Variants in SLC16A4 observed in about 807,000 individuals in gnomAD.
SLC16A4 encodes the protein solute carrier family 16 member 4.
SLC16A4 carries 39 observed loss-of-function variants against 47.9 expected under a neutral mutation model. The observed-to-expected ratio is 0.81, with a 90% CI of 0.63 to 1.06. The LOEUF is 1.06. Among genes scored for constraint, SLC16A4 ranks in the 50% least tolerant of loss-of-function variants. The probability of loss-of-function intolerance (pLI) is 0.00; values close to 1 mark genes in which losing one functional copy is unlikely to be tolerated. For synonymous variants in SLC16A4, 189 were observed against 199.9 expected (o/e 0.95, Z 0.46); for missense variants, 524 against 573.8 (o/e 0.91, Z 0.89).
At chr1:110,373,128 T>G (rs1261669708) in intron 8 of SLC16A4, 1 of 152,228 alleles carries the variant, frequency 6.6e-6, no homozygotes, top group Non-Finnish European at 1.5e-5. Context: ...TTCAGAAATT[T>G]GACTTGTCTT....
chr1:110,389,482 C>T (rs778936586), intron 1 of SLC16A4, 127 bp from the exon 2 acceptor site: 15 of 650,778 alleles, frequency 2.3e-5, no homozygotes, highest in Middle Eastern at 2.6e-4. Flanking sequence ...CACTGTGCAA[C>T]GCAGTTTGGA....
In SLC16A4 at chr1:110,379,201, G is replaced by A; in HGVS notation, c.682C>T (p.His228Tyr). ...HGPEAHATET[H>Y]CHETEESTIK... ...GTAGACTCTTCTGTCTCATGGCAGT[G>A]TGTTTCTGTTGCATGTGCCTCTGGA... Residue 228 changes from histidine to tyrosine, a missense_variant, in exon 6 of 9, where the codon CAC becomes TAC. Transcript: ENST00000369779. The A allele has an allele frequency of 6.2e-7, 1 of 1,614,174 alleles. No individual in the cohort carries two copies. Among genetic ancestry groups the A allele is most frequent in the South Asian group, 1.1e-5 (1 of 91,080 alleles).
At chr1:110,372,171 T>TA (rs143392895) in intron 8 of SLC16A4, 1 of 152,340 alleles carries the variant, frequency 6.6e-6, no homozygotes, top group African/African-American at 2.4e-5. Flanking sequence ...TGTAATGTGT[T>TA]ACCTTTTTTT....
At position 110,379,041 on chromosome 1, in the gene SLC16A4, T is replaced by C; in HGVS notation, c.842A>G (p.Lys281Arg). 1 of 1,614,230 alleles carries C rather than the reference T, an allele frequency of 6.2e-7. No homozygotes were observed. Among genetic ancestry groups the C allele is most frequent in the Non-Finnish European group, 8.5e-7 (1 of 1,180,028 alleles). ...TTGTTTGCAGCTCCACGAAATAACC[T>C]TATCACTTTCTTCATCACTCTTTAA... ...LLLKSDEESD[K>R]VISWSCKQLF... is the part of the protein sequence containing the mutation. The change falls in exon 6 of 9, where the codon AAG (lysine) becomes AGG (arginine). Residue 281 changes from lysine (K) to arginine (R), a missense_variant. Lys to Arg is a conservative substitution (Grantham distance 26, BLOSUM62 2). Coordinates refer to ENST00000369779, the MANE Select transcript of SLC16A4 (RefSeq NM_004696.3).
chr1:110,386,656 T>C (rs1436059008), intron 2 of SLC16A4, among the ~76,000 whole-genome samples: 6 of 152,234 alleles, frequency 3.9e-5, no homozygotes, highest in Non-Finnish European at 8.8e-5. Flanking sequence ...TGGATCAGCC[T>C]CAGTGACTTA....
In SLC16A4 at chr1:110,381,636, A is replaced by G. The variant is rs1317172002; in HGVS notation, c.364+16T>C. ...ACTCCTGGCCTTCTATGGTCACATA[A>G]TTACAATGGACTCACCGGGTAGAAG... On this transcript the variant is annotated intron_variant, in intron 4 of 8. Coordinates refer to ENST00000369779, the MANE Select transcript of SLC16A4 (RefSeq NM_004696.3). 2.5e-6 allele frequency: 4 copies of G among 1,603,810 alleles called. No individual in the cohort carries two copies. Among genetic ancestry groups the G allele is most frequent in the Non-Finnish European group, 3.4e-6 (4 of 1,177,460 alleles).
Position 110,376,864 on chromosome 1 carries a change from A to C in SLC16A4, c.1242+86T>G, listed in dbSNP as rs1662033355. 6 of 1,115,390 alleles carry C rather than the reference A, an allele frequency of 5.4e-6. No homozygotes were observed. The East Asian group carries it at 1.5e-4, about 29-fold the overall frequency. The allele number at this position is 1,115,390 out of a possible 1,614,324, so 69.1% of individuals were successfully genotyped here. On this transcript the variant is annotated intron_variant, in intron 7 of 8. Coordinates refer to ENST00000369779, the MANE Select transcript of SLC16A4 (RefSeq NM_004696.3). ...AATGATTTTTTAAGTTACAAAATTA[A>C]TACAAAATACGTATTTTGGGGAGAT...
In SLC16A4 at chr1:110,378,943, C is replaced by G. The variant is rs572174202; in HGVS notation, c.940G>C (p.Ala314Pro). 1 of 1,614,126 alleles carries G rather than the reference C, an allele frequency of 6.2e-7. No homozygotes were observed. The highest frequency in any genetic ancestry group is 2.2e-5 in the East Asian group (1 of 44,880). ...AGGTGAAAGGTAGGGATGAAGTATG[C>G]TAACTGACTGAGGAGAAAAGACCAA... ...FTWSFLLSQL[A>P]YFIPTFHLVA... Residue 314 changes from alanine (A) to proline (P), a missense_variant, in exon 6 of 9, where the codon GCA (alanine) becomes CCA (proline). Physicochemically the swap from Ala to Pro is conservative, Grantham distance 27. Coordinates refer to ENST00000369779, the MANE Select transcript of SLC16A4 (RefSeq NM_004696.3).
At chr1:110,387,481 A>G (rs1185331389) in intron 2 of SLC16A4, among the ~76,000 whole-genome samples, 2 of 152,348 alleles carry the variant, frequency 1.3e-5, no homozygotes, top group Admixed American at 1.3e-4. Flanking sequence ...CCACATTACA[A>G]CTGTGGGGGA....
Position 110,379,061 on chromosome 1 carries a change from CTT to C in SLC16A4, c.820_821del (p.Lys274GlufsTer2), listed in dbSNP as rs765784326. The C allele has an allele frequency of 1.2e-6, 2 of 1,614,186 alleles. No homozygotes were observed. Among genetic ancestry groups the C allele is most frequent in the Non-Finnish European group, 1.7e-6 (2 of 1,180,028 alleles). On this transcript the variant is annotated frameshift_variant, in exon 6 of 9. Coordinates refer to ENST00000369779, the MANE Select transcript of SLC16A4 (RefSeq NM_004696.3). LOFTEE classifies it high-confidence loss of function. Reference sequence around the variant, plus strand: ...TAACCTTATCACTTTCTTCATCACTCTTTAATAACAGTCTGTTCCTGTTAGGC... The same window carrying C: ...TAACCTTATCACTTTCTTCATCACTCTAATAACAGTCTGTTCCTGTTAGGC... ...NGPNRNRLLL[K>X]SDEESDKVIS... is the part of the protein sequence containing the mutation.
Position 110,382,323 on chromosome 1 carries a change from G to C in SLC16A4, c.220+511C>G, listed in dbSNP as rs562693108. On this transcript the variant is annotated intron_variant, in intron 3 of 8. Coordinates refer to ENST00000369779, the MANE Select transcript of SLC16A4 (RefSeq NM_004696.3). ...AAAATACAAAAATTAGCCAGGCATG[G>C]TGGCGGGCGCCTGTAATCCCAGCTA... is the stretch of plus-strand genomic sequence containing the variant. Among the ~76,000 whole-genome samples the C allele has an allele frequency of 4.6e-5, 7 of 152,250 alleles. No individual in the cohort carries two copies. In the East Asian group the frequency reaches 9.6e-4, roughly 21 times the overall value.
At chr1:110,376,776 C>T (rs1225807217) in intron 7 of SLC16A4, among the ~76,000 whole-genome samples, 174 bp downstream of exon 7, 2 of 152,172 alleles carry the variant, frequency 1.3e-5, no homozygotes, top group Non-Finnish European at 2.9e-5. Flanking sequence ...ACCATCCCTC[C>T]CCACTCACAC....
intron 2 of SLC16A4, among the ~76,000 whole-genome samples, chr1:110,383,402 AGGATAATTT>A (rs1374530025): frequency 6.6e-6 from 1 of 152,170 alleles, no homozygotes; most frequent in East Asian, 1.9e-4. Context: ...AGAGTTTTTA[AGGATAATTT>A]GGTGGGTGGG....
At chr1:110,387,109 T>A (rs1485908385) in intron 2 of SLC16A4, among the ~76,000 whole-genome samples, 1 of 152,190 alleles carries the variant, frequency 6.6e-6, no homozygotes, top group African/African-American at 2.4e-5. Flanking sequence ...TATTCATAAA[T>A]GTGTGCAGCT....
rs552088191 is a variant in SLC16A4, at chr1:110,381,332, CAT to C, written c.365-191_365-190del. Among the ~76,000 whole-genome samples, 1,231 of 144,354 alleles carry C rather than the reference CAT, an allele frequency of 8.5e-3. 27 individuals are homozygous for C. The highest frequency in any genetic ancestry group is 0.031 in the African/African-American group (1,174 of 37,934). 94.7% of individuals were successfully genotyped at this position (144,354 alleles called of 152,430 possible). On this transcript the variant is annotated intron_variant, in intron 4 of 8. Transcript: ENST00000369779. ...ATATATACATACACACACACACACA[CAT>C]ATTTTGAGACAGGGTCTCACTTTGT... is the stretch of plus-strand genomic sequence containing the variant.
At chr1:110,375,178 A>G (rs1418071366) in intron 8 of SLC16A4, 2 of 294,138 alleles carry the variant, frequency 6.8e-6, no homozygotes, top group Non-Finnish European at 1.3e-5. Context: ...GGCTCTGAAA[A>G]AACTCTGGAT....
chr1:110,388,938 G>C lies in SLC16A4; in HGVS notation c.87+299C>G, dbSNP rs140007538. The stretch of plus-strand genomic sequence containing the variant: ...TTAGCTAGGCTGGTCTCGAACTCCT[G>C]ACTTCAAGTGATCCACACACCTAGG... On this transcript the variant is annotated intron_variant, in intron 2 of 8. Coordinates refer to ENST00000369779, the MANE Select transcript of SLC16A4 (RefSeq NM_004696.3). Among the ~76,000 whole-genome samples the C allele has an allele frequency of 2.0e-3, 312 of 152,314 alleles. 3 individuals are homozygous for C. Among genetic ancestry groups the C allele is most frequent in the African/African-American group, 7.0e-3 (290 of 41,572 alleles).
At chr1:110,365,159 C>T (rs1210252369) in intron 8 of SLC16A4, among the ~76,000 whole-genome samples, 1 of 151,970 alleles carries the variant, frequency 6.6e-6, no homozygotes, top group Non-Finnish European at 1.5e-5. Flanking sequence ...TATGGCAGCA[C>T]AGGTCTGGGT....
intron 8 of SLC16A4, among the ~76,000 whole-genome samples, chr1:110,368,675 TAAAAC>T (rs1211286599): frequency 1.3e-5 from 2 of 152,234 alleles, no homozygotes; most frequent in Non-Finnish European, 2.9e-5. Context: ...TGTGATAATT[TAAAAC>T]AAATAGGAAG....
Sources: gnomAD v4.1 joint callset for allele counts (sites outside exome capture counted in the v4.1 genomes callset) on GRCh38, gnomAD v4.1.1 for gene constraint, MANE v1.5 for transcripts, NCBI Gene and HGNC (gene_info 2026-07-23, HGNC 2026-07-21) for gene names.